HTT-AS: variants seen among roughly 807,000 people sequenced by gnomAD.
HTT-AS encodes the protein HTT antisense RNA (head to head).
At chr4:3,054,530 G>C (rs1175333696) in intron 2 of HTT-AS, among the ~76,000 whole-genome samples, 1 of 152,182 alleles carries the variant, frequency 6.6e-6, no homozygotes, top group Non-Finnish European at 1.5e-5. Context: ...GCCTAGTTTA[G>C]AGGGTTAAAG....
intron 2 of HTT-AS, among the ~76,000 whole-genome samples, chr4:3,057,097 A>C (rs1327903648): frequency 6.6e-6 from 1 of 151,238 alleles, no homozygotes; most frequent in African/African-American, 2.4e-5. Context: ...GCAGTGGCAC[A>C]ATCTCGGCTC....
chr4:3,069,835 C>T (rs1314010366), intron 1 of HTT-AS: 1 of 152,594 alleles, frequency 6.6e-6, no homozygotes, highest in Non-Finnish European at 1.5e-5. Flanking sequence ...CACACCTGCT[C>T]CTCTCTCAGC....
At chr4:3,055,970 C>A (rs1256589464) in intron 2 of HTT-AS, among the ~76,000 whole-genome samples, 1 of 152,158 alleles carries the variant, frequency 6.6e-6, no homozygotes, top group Non-Finnish European at 1.5e-5. Flanking sequence ...GACTTCCAAA[C>A]CCAGTTTGGA....
At chr4:3,063,075 A>C (rs1029582958) in exon 2 of HTT-AS, among the ~76,000 whole-genome samples, 5 of 152,154 alleles carry the variant, frequency 3.3e-5, no homozygotes, top group African/African-American at 1.2e-4. Flanking sequence ...CGTAGCCTTC[A>C]TGACATTCAT....
rs529830680 is a variant in HTT-AS, at chr4:3,065,586, C to T, written n.114-1886G>A. On this transcript the variant is annotated intron_variant and non_coding_transcript_variant, in intron 1 of 2. Transcript: ENST00000664062. ...CTATGGGGTTACCTCTAGATAAATC[C>T]ATAATAAGTTGAAAATATAAGTAAA... 6.6e-5 allele frequency among the ~76,000 whole-genome samples: 10 copies of T among 152,238 alleles called. No individual in the cohort carries two copies. In the East Asian group the frequency reaches 1.9e-3, roughly 29 times the overall value.
chr4:3,051,356 C>T (rs778539992), intron 2 of HTT-AS, among the ~76,000 whole-genome samples: 18 of 152,126 alleles, frequency 1.2e-4, no homozygotes, highest in African/African-American at 2.7e-4. Context: ...TGAGCCACCG[C>T]GCCTGGCCTT....
At chr4:3,062,032 C>G (rs972673963) in intron 2 of HTT-AS, among the ~76,000 whole-genome samples, 5 of 140,950 alleles carry the variant, frequency 3.5e-5, no homozygotes, top group Non-Finnish European at 6.2e-5. Context: ...GAATATGCAT[C>G]TATCTCAGTG....
intron 2 of HTT-AS, among the ~76,000 whole-genome samples, chr4:3,054,960 GC>G (rs1455875759): frequency 1.3e-5 from 2 of 151,734 alleles, no homozygotes; most frequent in African/African-American, 4.8e-5. Flanking sequence ...TGATCTGCCC[GC>G]CTCCACCTCC....
intron 2 of HTT-AS, among the ~76,000 whole-genome samples, chr4:3,059,035 C>G (rs771285403): frequency 1.3e-5 from 2 of 152,146 alleles, no homozygotes; most frequent in Non-Finnish European, 2.9e-5. Flanking sequence ...TACATTTCCA[C>G]TTGTTAAACT....
chr4:3,067,298 C>T (rs534107716), intron 1 of HTT-AS, among the ~76,000 whole-genome samples: 33 of 152,128 alleles, frequency 2.2e-4, no homozygotes, highest in African/African-American at 8.0e-4. Flanking sequence ...GAACAGAAGC[C>T]GTGTTTCAAG....
At chr4:3,047,695 C>G (rs1711618544), downstream of HTT-AS, among the ~76,000 whole-genome samples, 1 of 152,208 alleles carries the variant, frequency 6.6e-6, no homozygotes, top group African/African-American at 2.4e-5. Context: ...CTCTGCTCCA[C>G]CATCTCTTGT....
At chr4:3,069,010 G>A (rs1712112005) in intron 1 of HTT-AS, among the ~76,000 whole-genome samples, 1 of 152,230 alleles carries the variant, frequency 6.6e-6, no homozygotes, top group South Asian at 2.1e-4. Context: ...TCCAAATTGG[G>A]AGAAACCAAA....
intron 2 of HTT-AS, among the ~76,000 whole-genome samples, chr4:3,056,930 C>G (rs1433295139): frequency 6.6e-6 from 1 of 152,188 alleles, no homozygotes; most frequent in Non-Finnish European, 1.5e-5. Context: ...ATTCCACCAG[C>G]CCCTGGCAAT....
chr4:3,055,456 G>A (rs1193008647), intron 2 of HTT-AS, among the ~76,000 whole-genome samples: 1 of 152,136 alleles, frequency 6.6e-6, no homozygotes, highest in African/African-American at 2.4e-5. Context: ...CAGCCAATTT[G>A]TGCTGCAGCC....
At chr4:3,049,696 G>A (rs545717460) in exon 3 of HTT-AS, among the ~76,000 whole-genome samples, 1 of 152,074 alleles carries the variant, frequency 6.6e-6, no homozygotes, top group Non-Finnish European at 1.5e-5. Context: ...CAGTCTTCGG[G>A]TTCTAGAATG....
chr4:3,072,555 C>T (rs1712199840), intron 1 of HTT-AS, among the ~76,000 whole-genome samples: 1 of 152,236 alleles, frequency 6.6e-6, no homozygotes. Context: ...AGTCTGCCCA[C>T]TGAGGTAACT....
chr4:3,047,490 G>T (rs1170903778), downstream of HTT-AS, among the ~76,000 whole-genome samples: 1 of 152,186 alleles, frequency 6.6e-6, no homozygotes, highest in Non-Finnish European at 1.5e-5. Flanking sequence ...GCCATACAGA[G>T]ATAGGAGCTG....
chr4:3,070,318 T>C, intron 1 of HTT-AS: 1 of 149,866 alleles, frequency 6.7e-6, no homozygotes, highest in Non-Finnish European at 1.5e-5. Context: ...TGAGACAGAG[T>C]CTTGCTCTGT....
intron 1 of HTT-AS, chr4:3,070,178 A>C (rs558700591): frequency 6.6e-6 from 1 of 152,334 alleles, no homozygotes; most frequent in South Asian, 2.1e-4. Flanking sequence ...TCATTGCTGA[A>C]AATTTGAAAA....
Sources: gnomAD v4.1 joint callset for allele counts (sites outside exome capture counted in the v4.1 genomes callset) on GRCh38, gnomAD v4.1.1 for gene constraint, MANE v1.5 for transcripts, NCBI Gene and HGNC (gene_info 2026-07-23, HGNC 2026-07-21) for gene names.